Variants in NLN observed in about 807,000 individuals in gnomAD.
The protein encoded by NLN is neurolysin.
Under a neutral mutation model 79.9 loss-of-function variants are expected in NLN, and 64 were observed. That is an observed-to-expected ratio of 0.80 (90% CI 0.65 to 0.99). The LOEUF (loss-of-function observed/expected upper bound fraction) is 0.99. Among genes scored for constraint, NLN ranks in the 50% least tolerant of loss-of-function variants. The pLI is 0.00. For synonymous variants in NLN, 267 were observed against 296.6 expected (o/e 0.90, Z 1.02); for missense variants, 835 against 858.7 (o/e 0.97, Z 0.34).
chr5:65,753,960 T>G (rs1304902152), intron 1 of NLN, among the ~76,000 whole-genome samples: 1 of 152,154 alleles, frequency 6.6e-6, no homozygotes, highest in African/African-American at 2.4e-5. Flanking sequence ...ACTGAACATC[T>G]TTATTATTTT....
chr5:65,786,533 T>C (rs1393231370), intron 7 of NLN, among the ~76,000 whole-genome samples: 1 of 152,238 alleles, frequency 6.6e-6, no homozygotes, highest in Non-Finnish European at 1.5e-5. Context: ...GGCAGTATGC[T>C]AAATAGTAGG....
In NLN at chr5:65,722,241, C is replaced by G. The variant is rs1437884215; in HGVS notation, c.-133C>G. On this transcript the variant is annotated 5_prime_UTR_variant, in exon 1 of 13. Transcript: ENST00000380985. ...TGGAGCTGCCGCACGTGGGAGGGCG[C>G]TGGCCAGGCAGCCACTGTGGCCTCT... is the stretch of plus-strand genomic sequence containing the variant. 2 of 527,990 alleles carry G rather than the reference C, an allele frequency of 3.8e-6. No homozygotes were observed. The highest frequency in any genetic ancestry group is 3.3e-5 in the South Asian group (1 of 30,218). 32.7% of individuals were successfully genotyped at this position (527,990 alleles called of 1,614,324 possible). A position where few individuals can be genotyped will look rare whatever the true frequency, so the allele number is the denominator to read the frequency against.
intron 8 of NLN, among the ~76,000 whole-genome samples, chr5:65,790,469 A>G (rs2707779): frequency 0.57 from 86,664 of 151,956 alleles, 24,924 homozygotes; most frequent in African/African-American, 0.6. Context: ...AGAAGGGGAA[A>G]CAAACACATC....
At chr5:65,769,127 AC>A (rs1363622322) in intron 3 of NLN, among the ~76,000 whole-genome samples, 2 of 152,224 alleles carry the variant, frequency 1.3e-5, no homozygotes, top group East Asian at 3.8e-4. Context: ...ATGTGCTGTC[AC>A]GGAAGTCACA....
At chr5:65,783,411 G>A (rs542018470) in intron 6 of NLN, among the ~76,000 whole-genome samples, 12 of 152,226 alleles carry the variant, frequency 7.9e-5, no homozygotes, top group African/African-American at 2.6e-4. Context: ...GTCATCTTCA[G>A]TTCACAGCCA....
At chr5:65,821,314 C>G (rs1760791457) in intron 12 of NLN, among the ~76,000 whole-genome samples, 1 of 152,136 alleles carries the variant, frequency 6.6e-6, no homozygotes, top group Non-Finnish European at 1.5e-5. Context: ...ATTTTATGCT[C>G]TGGGCCCTAG....
chr5:65,776,401 T>TA (rs748128348), intron 3 of NLN, among the ~76,000 whole-genome samples: 2 of 152,224 alleles, frequency 1.3e-5, no homozygotes, highest in East Asian at 3.8e-4. Context: ...ACCAACAATC[T>TA]AAAATGCAGT....
At chr5:65,730,673 C>T (rs1239333117) in intron 1 of NLN, among the ~76,000 whole-genome samples, 2 of 152,048 alleles carry the variant, frequency 1.3e-5, no homozygotes, top group Non-Finnish European at 2.9e-5. Context: ...TCTCCCACCT[C>T]AGCCTCCTGA....
intron 4 of NLN, 104 bp downstream of exon 4, chr5:65,777,638 T>C: frequency 1.3e-6 from 1 of 742,322 alleles, no homozygotes; most frequent in Non-Finnish European, 2.2e-6. Flanking sequence ...CTCCACAGTC[T>C]GCAACTTTTG....
intron 1 of NLN, among the ~76,000 whole-genome samples, chr5:65,729,369 CTTT>C (rs34963968): frequency 6.9e-4 from 70 of 101,066 alleles, no homozygotes; most frequent in East Asian, 4.4e-3. Context: ...GTTTTCTTTT[CTTT>C]TTTTTTTTTT....
chr5:65,729,394 G>A (rs252644), intron 1 of NLN, among the ~76,000 whole-genome samples: 84,714 of 131,236 alleles, frequency 0.65, 28,169 homozygotes, highest in African/African-American at 0.85. Context: ...TTTTTTTTTA[G>A]GATGGAGTCT....
chr5:65,788,057 A>G (rs1759973372), intron 7 of NLN, 61 bp from the exon 8 acceptor site: 2 of 1,530,516 alleles, frequency 1.3e-6, no homozygotes, highest in South Asian at 2.5e-5. Flanking sequence ...CACAGGTGGT[A>G]TTTATGAGTA....
At chr5:65,726,203 C>G (rs1758466793) in intron 1 of NLN, among the ~76,000 whole-genome samples, 2 of 152,038 alleles carry the variant, frequency 1.3e-5, no homozygotes, top group African/African-American at 4.8e-5. Context: ...ATTTGGGCAA[C>G]CAAATCCTCA....
intron 3 of NLN, among the ~76,000 whole-genome samples, chr5:65,776,507 T>TTAACCAATAGAAGGCCTA (rs1265597247): frequency 1.3e-5 from 2 of 152,182 alleles, no homozygotes; most frequent in African/African-American, 2.4e-5. Context: ...GAGAGAATCT[T>TTAACCAATAGAAGGCCTA]TAACCAATAG....
intron 6 of NLN, among the ~76,000 whole-genome samples, chr5:65,785,293 G>C (rs973238013): frequency 2.0e-5 from 3 of 151,898 alleles, no homozygotes; most frequent in Admixed American, 2.0e-4. Context: ...AATGTGCAAG[G>C]GTTCCAATTT....
At chr5:65,808,071 A>AT (rs1051910197) in intron 9 of NLN, among the ~76,000 whole-genome samples, 3 of 152,040 alleles carry the variant, frequency 2.0e-5, no homozygotes, top group South Asian at 2.1e-4. Context: ...TCCCTGCAAG[A>AT]TTTTTTTTAT....
chr5:65,818,633 A>G (rs1760725824), intron 12 of NLN: 2 of 152,176 alleles, frequency 1.3e-5, no homozygotes, highest in South Asian at 4.1e-4. Flanking sequence ...AGATCTCCCC[A>G]CCCTCACAGA....
intron 1 of NLN, among the ~76,000 whole-genome samples, chr5:65,757,991 G>C (rs932312209): frequency 2.6e-4 from 40 of 152,146 alleles, no homozygotes; most frequent in African/African-American, 9.2e-4. Context: ...CCAGTACTTT[G>C]TGAGGCCAAG....
rs1760854950 is a variant in NLN at position 65,823,791 on chromosome 5, G to C, written c.*876G>C. Reference sequence around the variant, plus strand: ...TCTTTTACTTACCACGTCCCCAAAAGTGTCAGGTAGACATGTCACAAATGG... The same window carrying C: ...TCTTTTACTTACCACGTCCCCAAAACTGTCAGGTAGACATGTCACAAATGG... On this transcript the variant is annotated 3_prime_UTR_variant, in exon 13 of 13. Coordinates refer to ENST00000380985, the MANE Select transcript of NLN (RefSeq NM_020726.5). 6.6e-6 allele frequency: 1 copy of C among 152,164 alleles called. No individual in the cohort carries two copies. Among genetic ancestry groups the C allele is most frequent in the Admixed American group, 6.6e-5 (1 of 15,266 alleles). The allele number at this position is 152,164 out of a possible 1,614,324, so 9.4% of individuals were successfully genotyped here.
Sources: gnomAD v4.1 joint callset for allele counts (sites outside exome capture counted in the v4.1 genomes callset) on GRCh38, gnomAD v4.1.1 for gene constraint, MANE v1.5 for transcripts, NCBI Gene and HGNC (gene_info 2026-07-23, HGNC 2026-07-21) for gene names.